ADSL: variants seen among roughly 807,000 people sequenced by gnomAD.
The protein encoded by ADSL is adenylosuccinate lyase.
In ADSL, 44 loss-of-function variants were observed where a neutral mutation model predicts 62.1. The ratio of observed to expected loss-of-function variants is 0.71; its 90% CI spans 0.56 to 0.91. The LOEUF (loss-of-function observed/expected upper bound fraction) is 0.91, where lower values mean the gene tolerates loss of function less well. Ranked by LOEUF, ADSL falls within the 40% of genes least tolerant of loss-of-function variation. The pLI is 0.00. For synonymous variants in ADSL, 198 were observed against 220.5 expected (o/e 0.90, Z 0.90); for missense variants, 531 against 627.4 (o/e 0.85, Z 1.64).
intron 2 of ADSL, chr22:40,387,380 G>A (rs1262437480): frequency 1.5e-5 from 6 of 390,218 alleles, no homozygotes; most frequent in Non-Finnish European, 2.7e-5. Context: ...TATATAGATG[G>A]TAATGGCAAA....
At chr22:40,370,014 G>A (rs988963977), downstream of ADSL, among the ~76,000 whole-genome samples, 1 of 152,110 alleles carries the variant, frequency 6.6e-6, no homozygotes, top group Non-Finnish European at 1.5e-5. Flanking sequence ...GAATTGCACA[G>A]CATAGAATCT....
In ADSL at chr22:40,364,941, G is replaced by C; in HGVS notation, c.1253G>C (p.Gly418Ala). 1.2e-6 allele frequency: 2 copies of C among 1,614,196 alleles called. No homozygotes were observed. The highest frequency in any genetic ancestry group is 1.1e-5 in the South Asian group (1 of 91,082). ...GCAGCTTCTGTGGTTAAGCAGGAAGGGGGTGACAATGACCTCATAGAGCGT... is the reference window on the plus strand; with the variant it reads ...GCAGCTTCTGTGGTTAAGCAGGAAGCGGGTGACAATGACCTCATAGAGCGT... ...QQAASVVKQE[G>A]GDNDLIERIQ... Residue 418 changes from glycine to alanine, a missense_variant, in exon 12 of 13, where the codon GGG (glycine) becomes GCG (alanine). Physicochemically the swap from Gly to Ala is moderately conservative, Grantham distance 60. Transcript: ENST00000623063.
At position 40,366,643 on chromosome 22, in the gene ADSL, C is replaced by T. The variant is rs2045018039; in HGVS notation, c.*121C>T. 1.3e-6 allele frequency: 1 copy of T among 750,612 alleles called. No individual in the cohort carries two copies. The highest frequency in any genetic ancestry group is 2.3e-6 in the Non-Finnish European group (1 of 430,618). 46.5% of individuals were successfully genotyped at this position (750,612 alleles called of 1,614,324 possible). Reference sequence around the variant, plus strand: ...TAAATTAGTACAGCACTTTCTTCTTCCCATGGTGCTTTCCTGTTTCTCAGT... The same window carrying T: ...TAAATTAGTACAGCACTTTCTTCTTTCCATGGTGCTTTCCTGTTTCTCAGT... On this transcript the variant is annotated 3_prime_UTR_variant, in exon 13 of 13. Coordinates refer to ENST00000623063, the MANE Select transcript of ADSL (RefSeq NM_000026.4).
At position 40,364,259 on chromosome 22, in the gene ADSL, C is replaced by A; in HGVS notation, c.1102-17C>A. The A allele has an allele frequency of 6.2e-7, 1 of 1,611,384 alleles. No individual in the cohort carries two copies. Among genetic ancestry groups the A allele is most frequent in the Non-Finnish European group, 8.5e-7 (1 of 1,178,306 alleles). The stretch of plus-strand genomic sequence containing the variant: ...TGAGGCACCTTTCTTGGTCATTCAC[C>A]GTATCTTTTCCTATAGGTAATTGAA... On this transcript the variant is annotated splice_polypyrimidine_tract_variant and intron_variant, in intron 10 of 12. Transcript: ENST00000623063.
chr22:40,350,078 A>C (rs763502864), intron 2 of ADSL, 43 bp downstream of exon 2: 1 of 1,568,350 alleles, frequency 6.4e-7, no homozygotes, highest in Non-Finnish European at 8.8e-7. Context: ...AGTCTCTAGA[A>C]TCTATTTGTC....
chr22:40,358,364 G>A (rs2044645579), intron 4 of ADSL, among the ~76,000 whole-genome samples: 1 of 152,028 alleles, frequency 6.6e-6, no homozygotes, highest in Admixed American at 6.6e-5. Context: ...TAGGTGGATC[G>A]CTTGAGACAT....
chr22:40,380,466 A>G lies in ADSL; in HGVS notation c.90-9764A>G, dbSNP rs565691259. Among the ~76,000 whole-genome samples, 9 of 151,214 alleles carry G rather than the reference A, an allele frequency of 6.0e-5. No homozygotes were observed. In the South Asian group the frequency reaches 6.3e-4, roughly 11 times the overall value. ...ACTGTAACCTCCGCCTCCCGGGTTC[A>G]AGCAATTCTCCCACCTCAGCATCCC... On this transcript the variant is annotated intron_variant, in intron 2 of 2. Coordinates refer to the ADSL transcript ENST00000498234.
At chr22:40,354,401 G>A in intron 4 of ADSL, 74 bp downstream of exon 4, 1 of 1,162,462 alleles carries the variant, frequency 8.6e-7, no homozygotes. Context: ...GTTTTCCACA[G>A]TAACCTTGAG....
At chr22:40,359,750 C>T (rs2146656875) in intron 6 of ADSL, among the ~76,000 whole-genome samples, 1 of 152,168 alleles carries the variant, frequency 6.6e-6, no homozygotes, top group South Asian at 2.1e-4. Flanking sequence ...CCAGGCTGGT[C>T]TCCAACTCCT....
At chr22:40,363,193 T>A in intron 10 of ADSL, 122 bp downstream of exon 10, 1 of 889,312 alleles carries the variant, frequency 1.1e-6, no homozygotes, top group Non-Finnish European at 1.9e-6. Context: ...CCACCCGAGC[T>A]CATCCTTCAG....
At chr22:40,363,238 C>A in intron 10 of ADSL, 167 bp downstream of exon 10, 1 of 677,114 alleles carries the variant, frequency 1.5e-6, no homozygotes, top group South Asian at 1.6e-5. Context: ...CTGTGGAATT[C>A]ATAGACACAT....
rs145786986 is a variant in ADSL, at chr22:40,349,894, C to G, written c.216C>G (p.Ile72Met). 1 of 1,614,016 alleles carries G rather than the reference C, an allele frequency of 6.2e-7. No homozygotes were observed. The highest frequency in any genetic ancestry group is 1.3e-5 in the African/African-American group (1 of 74,892). Residue 72 changes from isoleucine to methionine, a missense_variant, in exon 2 of 13, where the codon ATC (isoleucine) becomes ATG (methionine). By Grantham distance (10) the Ile-to-Met change is conservative. This residue lies in a region of ADSL where 471 missense variants were observed against 592.9 expected (regional missense o/e 0.79). Transcript: ENST00000623063. ...IQEMKSNLEN[I>M]DFKMAAEEEK... ...AGATGAAATCAAACCTGGAGAACAT[C>G]GACTTCAAGATGGCAGCTGAGGAAG...
chr22:40,373,181 C>T (rs2045914944), downstream of ADSL, among the ~76,000 whole-genome samples: 1 of 152,160 alleles, frequency 6.6e-6, no homozygotes, highest in African/African-American at 2.4e-5. Context: ...GTGACAGGGC[C>T]AGAATTTAAG....
At chr22:40,376,178 CTTTTTTTTTTT>C (rs10616868) in intron 2 of ADSL, 1 of 86,874 alleles carries the variant, frequency 1.2e-5, no homozygotes, top group Non-Finnish European at 2.3e-5. Flanking sequence ...CAAATTACCA[CTTTTTTTTTTT>C]TTTTTTTTTT....
intron 10 of ADSL, among the ~76,000 whole-genome samples, chr22:40,363,735 T>C (rs1399643869): frequency 7.4e-6 from 1 of 134,730 alleles, no homozygotes; most frequent in Non-Finnish European, 1.6e-5. Flanking sequence ...AAACTCCATC[T>C]CAAAAAAAAA....
intron 1 of ADSL, chr22:40,348,659 A>T (rs1172890469): frequency 2.5e-6 from 1 of 398,448 alleles, no homozygotes; most frequent in East Asian, 3.6e-5. Context: ...GAGCCACCAT[A>T]CCTGGCCTGA....
In ADSL at chr22:40,367,018, A is replaced by C. The variant is rs141090257; in HGVS notation, c.*496A>C. 325 of 167,228 alleles carry C rather than the reference A, an allele frequency of 1.9e-3. 1 individual carries two copies. Among genetic ancestry groups the C allele is most frequent in the African/African-American group, 7.5e-3 (310 of 41,532 alleles). 10.4% of individuals were successfully genotyped at this position (167,228 alleles called of 1,614,324 possible). A position where few individuals can be genotyped will look rare whatever the true frequency, so the allele number is the denominator to read the frequency against. On this transcript the variant is annotated 3_prime_UTR_variant, in exon 13 of 13. Coordinates refer to ENST00000623063, the MANE Select transcript of ADSL (RefSeq NM_000026.4). ...AAAAGAACCAAACCCTGATGTGACC[A>C]TCAGGCTGATTGAGCTGAAGTTGTG... is the stretch of plus-strand genomic sequence containing the variant.
intron 1 of ADSL, 94 bp downstream of exon 1, chr22:40,346,805 G>C (rs924299049): frequency 1.5e-6 from 2 of 1,341,112 alleles, no homozygotes; most frequent in Non-Finnish European, 2.0e-6. Flanking sequence ...AGCCACCCCG[G>C]AGCTGCGGCC....
At position 40,366,711 on chromosome 22, in the gene ADSL, G is replaced by T. The variant is rs138652268; in HGVS notation, c.*189G>T. 104 of 587,292 alleles carry T rather than the reference G, an allele frequency of 1.8e-4. 1 individual carries two copies. In the African/African-American group the frequency reaches 1.8e-3, roughly 10 times the overall value. The allele number at this position is 587,292 out of a possible 1,614,324, so 36.4% of individuals were successfully genotyped here. On this transcript the variant is annotated 3_prime_UTR_variant, in exon 13 of 13. Transcript: ENST00000623063. ...GGCAAAAACAAAGAGCGTTGAAGTT[G>T]ACTCTGCTCTTGCATAGTAAATGTA...
Sources: allele counts gnomAD v4.1 joint callset (sites outside exome capture counted in the v4.1 genomes callset), GRCh38; gene constraint gnomAD v4.1.1; regional missense constraint gnomAD v4.1.1; transcripts MANE v1.5; gene names NCBI Gene and HGNC (gene_info 2026-07-23, HGNC 2026-07-21).